Variants in RANBP2 observed in about 807,000 individuals in gnomAD.
The protein encoded by RANBP2 is E3 SUMO-protein ligase RanBP2.
A neutral mutation model predicts 303.6 loss-of-function variants in RANBP2; 57 were observed. That is an observed-to-expected ratio of 0.19 (90% CI 0.15 to 0.23). The LOEUF is 0.23. Ranked by LOEUF, RANBP2 falls within the 10% of genes least tolerant of loss-of-function variation. The pLI is 1.00. For synonymous variants in RANBP2, 1,167 were observed against 1,301.5 expected, an observed-to-expected ratio of 0.90 and a Z score of 2.23; for missense variants, 3,138 against 3,780.8, an observed-to-expected ratio of 0.83 and a Z score of 4.46.
the RANBP2 span, among the ~76,000 whole-genome samples, chr2:109,343,307 C>T: frequency 6.6e-6 from 1 of 152,172 alleles, no homozygotes. Context: ...TGATGAGATC[C>T]AGTTTCTGGC....
At chr2:109,656,094 C>G in the RANBP2 span, among the ~76,000 whole-genome samples, 2 of 152,192 alleles carry the variant, frequency 1.3e-5, no homozygotes, top group Non-Finnish European at 2.9e-5. Context: ...CCTGCCTCAG[C>G]AGGATGATCC....
At chr2:109,457,991 G>T in the RANBP2 span, among the ~76,000 whole-genome samples, 1 of 152,194 alleles carries the variant, frequency 6.6e-6, no homozygotes, top group South Asian at 2.1e-4. Context: ...AACAGAGAGT[G>T]CTGGGTTCGG....
At chr2:109,563,685 C>A in the RANBP2 span, among the ~76,000 whole-genome samples, 3 of 152,200 alleles carry the variant, frequency 2.0e-5, no homozygotes, top group Non-Finnish European at 4.4e-5. Context: ...TATAACTACA[C>A]TGTAATATGG....
the RANBP2 span, among the ~76,000 whole-genome samples, chr2:108,811,247 C>CTTTTTTTTTT: frequency 8.8e-6 from 1 of 113,906 alleles, no homozygotes; most frequent in African/African-American, 3.8e-5. Context: ...TTCTCTCTCT[C>CTTTTTTTTTT]TTTTTTTTTT....
chr2:109,307,148 T>A, the RANBP2 span, among the ~76,000 whole-genome samples: 2,330 of 152,370 alleles, frequency 0.015, 22 homozygotes, highest in Non-Finnish European at 0.022. Context: ...GTACCTGTTG[T>A]ACTCTTCATG....
the RANBP2 span, among the ~76,000 whole-genome samples, chr2:109,643,901 T>C: frequency 3.3e-5 from 5 of 151,446 alleles, no homozygotes; most frequent in Non-Finnish European, 7.4e-5. Flanking sequence ...GGCAGGCGGA[T>C]CACGAGGTCA....
At chr2:108,812,532 T>G in the RANBP2 span, 1 of 823,554 alleles carries the variant, frequency 1.2e-6, no homozygotes, top group Non-Finnish European at 2.0e-6. Context: ...GTTACATTGG[T>G]TAGTAATATC....
At chr2:109,491,878 A>G in the RANBP2 span, among the ~76,000 whole-genome samples, 1 of 152,254 alleles carries the variant, frequency 6.6e-6, no homozygotes, top group Non-Finnish European at 1.5e-5. Context: ...CCGGGAAGGC[A>G]GCCTCTGCCC....
chr2:109,697,009 C>G, the RANBP2 span, among the ~76,000 whole-genome samples: 1 of 152,160 alleles, frequency 6.6e-6, no homozygotes, highest in Non-Finnish European at 1.5e-5. Context: ...AAGTCCTGGA[C>G]TCAAGCAATC....
the RANBP2 span, among the ~76,000 whole-genome samples, chr2:109,405,760 C>T: frequency 1.3e-5 from 2 of 152,360 alleles, no homozygotes; most frequent in East Asian, 3.9e-4. Flanking sequence ...TACAGGACTT[C>T]CAGTGTGCCC....
At chr2:109,222,244 A>G in the RANBP2 span, among the ~76,000 whole-genome samples, 1 of 152,212 alleles carries the variant, frequency 6.6e-6, no homozygotes, top group African/African-American at 2.4e-5. Context: ...GGGTATAAAC[A>G]TACAGTCAGA....
the RANBP2 span, among the ~76,000 whole-genome samples, chr2:109,598,123 C>T: frequency 2.0e-5 from 3 of 152,040 alleles, no homozygotes; most frequent in African/African-American, 7.2e-5. Context: ...AGTGCAATGG[C>T]GTGATCTCAG....
At chr2:109,672,039 C>T in the RANBP2 span, among the ~76,000 whole-genome samples, 1 of 151,960 alleles carries the variant, frequency 6.6e-6, no homozygotes, top group Non-Finnish European at 1.5e-5. Context: ...TTCTTTTTCC[C>T]AAGCAATGAC....
At chr2:109,445,400 T>A in the RANBP2 span, among the ~76,000 whole-genome samples, 4 of 151,944 alleles carry the variant, frequency 2.6e-5, no homozygotes, top group Non-Finnish European at 5.9e-5. Context: ...ACTTAAAGCA[T>A]CAAAGGATAA....
At chr2:109,342,892 G>T in the RANBP2 span, among the ~76,000 whole-genome samples, 9 of 152,228 alleles carry the variant, frequency 5.9e-5, no homozygotes, top group Non-Finnish European at 1.0e-4. Flanking sequence ...CCTTGCAGGG[G>T]TGGCTGATGT....
chr2:109,184,737 C>T, the RANBP2 span, among the ~76,000 whole-genome samples: 1 of 152,180 alleles, frequency 6.6e-6, no homozygotes, highest in Non-Finnish European at 1.5e-5. Context: ...TGTGCAGCCT[C>T]CTATTCTGCC....
At chr2:109,589,996 T>C in the RANBP2 span, among the ~76,000 whole-genome samples, 1 of 151,680 alleles carries the variant, frequency 6.6e-6, no homozygotes, top group East Asian at 1.9e-4. Context: ...ATTATGTGCA[T>C]TTTTCACATA....
chr2:109,028,945 GTTTA>G, the RANBP2 span, among the ~76,000 whole-genome samples: 510 of 151,862 alleles, frequency 3.4e-3, 12 homozygotes, highest in Admixed American at 0.024. Context: ...TTATTTGTTT[GTTTA>G]TTTATTTATT....
chr2:109,539,256 C>T, the RANBP2 span, among the ~76,000 whole-genome samples: 1 of 151,244 alleles, frequency 6.6e-6, no homozygotes, highest in Non-Finnish European at 1.5e-5. Context: ...CGATATTATG[C>T]CACTGCACTC....
Sources: allele counts gnomAD v4.1 joint callset (sites outside exome capture counted in the v4.1 genomes callset), GRCh38; gene constraint gnomAD v4.1.1; transcripts MANE v1.5; gene names NCBI Gene and HGNC (gene_info 2026-07-23, HGNC 2026-07-21).